GRM7: variants seen among roughly 807,000 people sequenced by gnomAD.
GRM7 encodes metabotropic glutamate receptor 7.
In GRM7, 35 loss-of-function variants were observed where a neutral mutation model predicts 84.5. The ratio of observed to expected loss-of-function variants is 0.41; its 90% CI spans 0.32 to 0.55. GRM7 has a LOEUF of 0.55. Among genes scored for constraint, GRM7 ranks in the 20% least tolerant of loss-of-function variants. The pLI, the probability that GRM7 is intolerant of heterozygous loss-of-function variation, is 0.19. For missense variants in GRM7, 1,003 were observed against 1,194.6 expected (o/e 0.84, Z 2.36); for synonymous variants, 487 against 455.1 (o/e 1.07, Z -0.89).
chr3:7,687,585 C>A (rs956753502), intron 9 of GRM7, among the ~76,000 whole-genome samples: 3 of 152,244 alleles, frequency 2.0e-5, no homozygotes, highest in African/African-American at 7.2e-5. Flanking sequence ...AGAGACCTGT[C>A]TCTAGAGAGA....
At chr3:7,016,741 G>A (rs1695580346) in intron 1 of GRM7, among the ~76,000 whole-genome samples, 1 of 152,074 alleles carries the variant, frequency 6.6e-6, no homozygotes, top group Non-Finnish European at 1.5e-5. Flanking sequence ...GCCAACATTC[G>A]AAGTACAATA....
chr3:7,562,095 T>C (rs1306233041), intron 7 of GRM7, among the ~76,000 whole-genome samples: 2 of 152,160 alleles, frequency 1.3e-5, no homozygotes, highest in Non-Finnish European at 2.9e-5. Flanking sequence ...GGATAGCACA[T>C]GCTTGAATAC....
At chr3:7,603,559 G>T (rs1304680818) in intron 8 of GRM7, among the ~76,000 whole-genome samples, 3 of 152,116 alleles carry the variant, frequency 2.0e-5, no homozygotes, top group African/African-American at 7.2e-5. Flanking sequence ...GCAGCTCACA[G>T]AGTTGGTGAC....
At chr3:7,176,703 C>T (rs927585218) in intron 2 of GRM7, among the ~76,000 whole-genome samples, 4 of 152,172 alleles carry the variant, frequency 2.6e-5, no homozygotes, top group Non-Finnish European at 5.9e-5. Context: ...TTCCTTGTCT[C>T]TTAGAACTCT....
At chr3:7,217,936 A>G (rs1302469081) in intron 2 of GRM7, among the ~76,000 whole-genome samples, 1 of 151,960 alleles carries the variant, frequency 6.6e-6, no homozygotes, top group African/African-American at 2.4e-5. Context: ...CCATATCCTT[A>G]TTAGTCAAGA....
intron 1 of GRM7, among the ~76,000 whole-genome samples, chr3:7,081,844 C>T (rs1361915283): frequency 2.6e-5 from 4 of 152,100 alleles, no homozygotes; most frequent in Non-Finnish European, 5.9e-5. Flanking sequence ...CCACAACACT[C>T]CCTTAAGCCA....
chr3:7,479,510 T>C lies in GRM7; in HGVS notation c.1515+17788T>C, dbSNP rs550441600. Among the ~76,000 whole-genome samples the C allele has an allele frequency of 2.5e-3, 384 of 152,188 alleles. 1 individual carries two copies. Among genetic ancestry groups the C allele is most frequent in the African/African-American group, 8.9e-3 (370 of 41,528 alleles). On this transcript the variant is annotated intron_variant, in intron 7 of 9. Transcript: ENST00000357716. ...GCTACAGATACTTCCCTCCCAGAGTTTCTGTGTTAAAGTATCCAAAGGAGC... is the reference window on the plus strand; with the variant it reads ...GCTACAGATACTTCCCTCCCAGAGTCTCTGTGTTAAAGTATCCAAAGGAGC...
intron 4 of GRM7, among the ~76,000 whole-genome samples, chr3:7,362,341 TAC>T (rs35321936): frequency 3.0e-4 from 44 of 147,846 alleles, no homozygotes; most frequent in Admixed American, 2.7e-4. Context: ...TTTTAAAGAA[TAC>T]ACACACACAC....
chr3:6,867,774 AAT>A (rs1694985687), intron 1 of GRM7, among the ~76,000 whole-genome samples: 1 of 152,196 alleles, frequency 6.6e-6, no homozygotes, highest in African/African-American at 2.4e-5. Context: ...TGACACAGTC[AAT>A]ATATATGTTT....
At chr3:7,275,145 T>G (rs951881048) in intron 2 of GRM7, among the ~76,000 whole-genome samples, 2 of 152,156 alleles carry the variant, frequency 1.3e-5, no homozygotes, top group Non-Finnish European at 2.9e-5. Flanking sequence ...TAAAAATTCT[T>G]AAAATTCCCA....
At chr3:6,909,502 T>A (rs528674687) in intron 1 of GRM7, among the ~76,000 whole-genome samples, 1 of 152,154 alleles carries the variant, frequency 6.6e-6, no homozygotes, top group Admixed American at 6.6e-5. Flanking sequence ...AGACAGCATA[T>A]TCCTTGACTC....
At chr3:7,095,966 G>A (rs1203074997) in intron 1 of GRM7, among the ~76,000 whole-genome samples, 1 of 152,062 alleles carries the variant, frequency 6.6e-6, no homozygotes, top group Non-Finnish European at 1.5e-5. Flanking sequence ...TACATTGTGT[G>A]TATAGATACA....
intron 7 of GRM7, among the ~76,000 whole-genome samples, chr3:7,529,532 A>G (rs1700945419): frequency 6.6e-6 from 1 of 152,084 alleles, no homozygotes; most frequent in African/African-American, 2.4e-5. Context: ...AAGATCATTA[A>G]CATTATAGAC....
intron 1 of GRM7, among the ~76,000 whole-genome samples, chr3:7,029,947 C>A (rs144540209): frequency 6.7e-4 from 102 of 152,134 alleles, no homozygotes; most frequent in African/African-American, 2.4e-3. Context: ...AGGTTTTTAT[C>A]CTAGAGAAAA....
chr3:7,613,822 G>T lies in GRM7; in HGVS notation c.2451+34465G>T, dbSNP rs544583225. Among the ~76,000 whole-genome samples the T allele has an allele frequency of 1.4e-3, 216 of 152,252 alleles. 1 individual carries two copies. Among genetic ancestry groups the T allele is most frequent in the African/African-American group, 5.0e-3 (207 of 41,540 alleles). On this transcript the variant is annotated intron_variant, in intron 8 of 9. Coordinates refer to ENST00000357716, the MANE Select transcript of GRM7 (RefSeq NM_000844.4). ...TTGACAGATATACATACTGTATCTT[G>T]TAAGTTGTGGTATAGGGAAACTCTG...
chr3:7,242,270 T>A (rs1697588751), intron 2 of GRM7, among the ~76,000 whole-genome samples: 1 of 152,176 alleles, frequency 6.6e-6, no homozygotes, highest in East Asian at 1.9e-4. Context: ...TAATACGGGA[T>A]TTTTACAGGG....
chr3:7,085,074 T>A (rs1335671163), intron 1 of GRM7, among the ~76,000 whole-genome samples: 1 of 152,188 alleles, frequency 6.6e-6, no homozygotes, highest in Non-Finnish European at 1.5e-5. Flanking sequence ...GCTGAGGGGC[T>A]GGGTTGCTTT....
Position 7,627,166 on chromosome 3 carries a change from C to T in GRM7, c.2451+47809C>T, listed in dbSNP as rs140656067. ...AAAATGCAAACAGAGATTGGAAGAG[C>T]TATAAAGCAATGTGTTTTTTAAATC... On this transcript the variant is annotated intron_variant, in intron 8 of 9. Coordinates refer to ENST00000357716, the MANE Select transcript of GRM7 (RefSeq NM_000844.4). Among the ~76,000 whole-genome samples, 669 of 152,196 alleles carry T rather than the reference C, an allele frequency of 4.4e-3. 5 individuals are homozygous for T. The highest frequency in any genetic ancestry group is 9.4e-3 in the Admixed American group (143 of 15,284).
chr3:7,722,462 T>G (rs74481837), intron 9 of GRM7, among the ~76,000 whole-genome samples: 1 of 151,870 alleles, frequency 6.6e-6, no homozygotes, highest in African/African-American at 2.4e-5. Context: ...TTTTTTTTTT[T>G]TTGAGACAGT....
Sources: gnomAD v4.1 joint callset for allele counts (sites outside exome capture counted in the v4.1 genomes callset) on GRCh38, gnomAD v4.1.1 for gene constraint, MANE v1.5 for transcripts, NCBI Gene and HGNC (gene_info 2026-07-23, HGNC 2026-07-21) for gene names.